TRIM9: variants seen among roughly 807,000 people sequenced by gnomAD.
TRIM9 encodes tripartite motif containing 9.
A neutral mutation model predicts 78.3 loss-of-function variants in TRIM9; 26 were observed. That is an observed-to-expected ratio of 0.33 (90% CI 0.24 to 0.46). The LOEUF is 0.46. Among genes scored for constraint, TRIM9 ranks in the 20% least tolerant of loss-of-function variants. The probability of loss-of-function intolerance (pLI) is 1.00; values close to 1 mark genes in which losing one functional copy is unlikely to be tolerated. For missense variants in TRIM9, 787 were observed against 1,036.4 expected (o/e 0.76, Z 3.30); for synonymous variants, 398 against 416.5 (o/e 0.96, Z 0.54).
intron 1 of TRIM9, among the ~76,000 whole-genome samples, chr14:51,093,295 A>G (rs944177500): frequency 2.0e-5 from 3 of 152,378 alleles, no homozygotes; most frequent in Non-Finnish European, 2.9e-5. Flanking sequence ...GTTTGCACAT[A>G]TAACTACTGA....
At chr14:51,027,650 T>C (rs2139827997) in intron 1 of TRIM9, among the ~76,000 whole-genome samples, 1 of 152,334 alleles carries the variant, frequency 6.6e-6, no homozygotes, top group African/African-American at 2.4e-5. Context: ...GTTGCAAAAT[T>C]CTTTATGATT....
intron 5 of TRIM9, among the ~76,000 whole-genome samples, chr14:51,007,628 G>T (rs1393219081): frequency 6.6e-6 from 1 of 152,128 alleles, no homozygotes; most frequent in East Asian, 1.9e-4. Context: ...GTCTACTAGG[G>T]TTATGAGAAT....
At chr14:51,026,874 G>A (rs771132567) in intron 1 of TRIM9, among the ~76,000 whole-genome samples, 53 of 152,308 alleles carry the variant, frequency 3.5e-4, no homozygotes, top group Non-Finnish European at 5.7e-4. Context: ...TTGTAGTTGG[G>A]TTATTGTGAG....
intron 1 of TRIM9, among the ~76,000 whole-genome samples, chr14:51,059,387 G>T (rs986367623): frequency 6.6e-6 from 1 of 152,166 alleles, no homozygotes; most frequent in Non-Finnish European, 1.5e-5. Flanking sequence ...AGATGATAGG[G>T]TAGTCTATTC....
intron 3 of TRIM9, among the ~76,000 whole-genome samples, chr14:51,012,683 CA>C (rs2056716519): frequency 6.6e-6 from 1 of 152,188 alleles, no homozygotes; most frequent in African/African-American, 2.4e-5. Flanking sequence ...CAGCAATGCA[CA>C]AGGGTTCCAA....
intron 5 of TRIM9, among the ~76,000 whole-genome samples, chr14:51,007,117 A>G (rs980999656): frequency 6.6e-6 from 1 of 152,130 alleles, no homozygotes; most frequent in Non-Finnish European, 1.5e-5. Flanking sequence ...TTTACCCTCT[A>G]ACTGCCTCCT....
chr14:51,003,762 A>C (rs1057312688), intron 5 of TRIM9, among the ~76,000 whole-genome samples: 2 of 152,124 alleles, frequency 1.3e-5, no homozygotes, highest in African/African-American at 2.4e-5. Flanking sequence ...AAAAAGAAAG[A>C]ACTAACCCAG....
At chr14:51,069,207 G>A (rs1312907782) in intron 1 of TRIM9, among the ~76,000 whole-genome samples, 2 of 152,190 alleles carry the variant, frequency 1.3e-5, no homozygotes. Context: ...TCCATTTCCA[G>A]AGCCCATGCA....
At chr14:51,021,979 A>C (rs1369533951) in intron 3 of TRIM9, among the ~76,000 whole-genome samples, 1 of 151,284 alleles carries the variant, frequency 6.6e-6, no homozygotes, top group African/African-American at 2.4e-5. Context: ...TCTATTTTTC[A>C]ATTCAAAAAC....
rs546829565 is a variant in TRIM9, at chr14:51,094,364, C to T, written c.576G>A (p.Pro192=). 5.0e-6 allele frequency: 8 copies of T among 1,613,662 alleles called. No homozygotes were observed. The East Asian group carries it at 8.9e-5, about 18-fold the overall frequency. Residue 192 remains proline, a synonymous_variant, in exon 1 of 13, where the codon CCG becomes CCA. Transcript: ENST00000684578. ...CEQCDVFYCD[P]CRLRCHPPRG... is the part of the protein sequence containing the mutation. ...GGGGCGGGTGGCAGCGCAGGCGGCA[C>T]GGATCGCAGTAGAAGACATCGCACT...
At chr14:51,017,196 C>G (rs1442416635) in intron 3 of TRIM9, among the ~76,000 whole-genome samples, 1 of 152,142 alleles carries the variant, frequency 6.6e-6, no homozygotes, top group Non-Finnish European at 1.5e-5. Context: ...CACATGCCAC[C>G]ACTCTCCCTC....
chr14:51,008,359 ACTT>A (rs2056114218), intron 5 of TRIM9, among the ~76,000 whole-genome samples: 1 of 152,228 alleles, frequency 6.6e-6, no homozygotes, highest in Non-Finnish European at 1.5e-5. Flanking sequence ...GATGAACAAA[ACTT>A]CTTACTATTT....
intron 7 of TRIM9, among the ~76,000 whole-genome samples, chr14:50,989,909 A>G (rs1056107144): frequency 5.3e-5 from 8 of 152,370 alleles, no homozygotes; most frequent in African/African-American, 1.9e-4. Flanking sequence ...TGCTTAAAAA[A>G]AGCAATCAAG....
intron 1 of TRIM9, among the ~76,000 whole-genome samples, chr14:51,028,641 C>T (rs561465374): frequency 1.3e-5 from 2 of 152,292 alleles, no homozygotes; most frequent in Admixed American, 6.5e-5. Flanking sequence ...GAGAAAGGTA[C>T]GTTCTAAAGC....
intron 1 of TRIM9, among the ~76,000 whole-genome samples, chr14:51,072,390 T>C (rs749384160): frequency 2.0e-5 from 3 of 152,312 alleles, no homozygotes; most frequent in Middle Eastern, 3.4e-3. Context: ...CCTACTTTCT[T>C]GCATAGAATC....
At chr14:51,088,440 C>T (rs920950415) in intron 1 of TRIM9, among the ~76,000 whole-genome samples, 10 of 152,104 alleles carry the variant, frequency 6.6e-5, no homozygotes, top group African/African-American at 1.7e-4. Flanking sequence ...ATGGAAAACT[C>T]GTGGGAGCAG....
chr14:51,093,314 AG>A (rs1261334449), intron 1 of TRIM9, among the ~76,000 whole-genome samples: 1 of 152,226 alleles, frequency 6.6e-6, no homozygotes, highest in Non-Finnish European at 1.5e-5. Flanking sequence ...GAAAGAGGAA[AG>A]GGCTTGAATT....
At chr14:51,080,436 A>AACACAC (rs34062978) in intron 1 of TRIM9, among the ~76,000 whole-genome samples, 22 of 144,028 alleles carry the variant, frequency 1.5e-4, no homozygotes, top group East Asian at 1.5e-3. Context: ...AGTTTTATTG[A>AACACAC]ACACACACAC....
chr14:51,083,152 G>A (rs1403514840), intron 1 of TRIM9, among the ~76,000 whole-genome samples: 16 of 152,160 alleles, frequency 1.1e-4, no homozygotes, highest in Non-Finnish European at 2.1e-4. Flanking sequence ...ACTAGAACTC[G>A]ATACTTTTCT....
Sources: gnomAD v4.1 joint callset for allele counts (sites outside exome capture counted in the v4.1 genomes callset) on GRCh38, gnomAD v4.1.1 for gene constraint, MANE v1.5 for transcripts, NCBI Gene and HGNC (gene_info 2026-07-23, HGNC 2026-07-21) for gene names.